Variants in TBC1D5 observed in about 807,000 individuals in gnomAD.
The protein encoded by TBC1D5 is TBC1 domain family, member 5.
A neutral mutation model predicts 100.3 loss-of-function variants in TBC1D5; 75 were observed. The ratio of observed to expected loss-of-function variants is 0.75; its 90% CI spans 0.62 to 0.91. The LOEUF (loss-of-function observed/expected upper bound fraction) is 0.91. Ranked by LOEUF, TBC1D5 falls within the 40% of genes least tolerant of loss-of-function variation. The probability of loss-of-function intolerance (pLI) is 0.00; values close to 1 mark genes in which losing one functional copy is unlikely to be tolerated. For synonymous variants in TBC1D5, 323 were observed against 325.6 expected (o/e 0.99, Z 0.09); for missense variants, 910 against 942.4 (o/e 0.97, Z 0.45).
chr3:17,509,948 T>G (rs1003481309), intron 2 of TBC1D5, among the ~76,000 whole-genome samples: 2 of 152,052 alleles, frequency 1.3e-5, no homozygotes, highest in South Asian at 2.1e-4. Flanking sequence ...CTACACTATT[T>G]GTAAATTTTA....
At chr3:17,390,011 T>C (rs1009418583) in intron 8 of TBC1D5, among the ~76,000 whole-genome samples, 4 of 152,140 alleles carry the variant, frequency 2.6e-5, no homozygotes, top group Non-Finnish European at 4.4e-5. Flanking sequence ...TTTTTAAAAA[T>C]CTTATTGATT....
chr3:17,223,362 C>A lies in TBC1D5; in HGVS notation c.1589-8992G>T, dbSNP rs974520232. ...AAAAAAGTCAGAAAATTAGAATACA[C>A]TTCAGCAATGTGATATTTGCAAAAT... On this transcript the variant is annotated intron_variant, in intron 17 of 21. Transcript: ENST00000253692. 3.3e-5 allele frequency among the ~76,000 whole-genome samples: 5 copies of A among 152,262 alleles called. No individual in the cohort carries two copies. The East Asian group carries it at 7.7e-4, about 23-fold the overall frequency.
At chr3:17,457,292 CTCTT>C (rs1287509440) in intron 3 of TBC1D5, among the ~76,000 whole-genome samples, 1 of 152,044 alleles carries the variant, frequency 6.6e-6, no homozygotes, top group Non-Finnish European at 1.5e-5. Flanking sequence ...CTACTCTTTT[CTCTT>C]TTTTTCCAAG....
intron 2 of TBC1D5, among the ~76,000 whole-genome samples, chr3:17,581,684 T>G (rs965512428): frequency 6.6e-6 from 1 of 152,210 alleles, no homozygotes; most frequent in South Asian, 2.1e-4. Flanking sequence ...ATGATCTCTC[T>G]GCTTCTGCCC....
At chr3:17,307,540 A>G (rs2083518859) in intron 14 of TBC1D5, among the ~76,000 whole-genome samples, 1 of 152,226 alleles carries the variant, frequency 6.6e-6, no homozygotes, top group Non-Finnish European at 1.5e-5. Context: ...ACTGGAAGAA[A>G]GTTAAAATAC....
chr3:17,623,993 T>C (rs1370480015), intron 1 of TBC1D5, 80 bp from the exon 2 acceptor site: 1 of 152,152 alleles, frequency 6.6e-6, no homozygotes. Flanking sequence ...CAAGAAAATA[T>C]TTTAATAAAC....
intron 3 of TBC1D5, among the ~76,000 whole-genome samples, chr3:17,497,165 CCTT>C (rs1320308320): frequency 1.3e-5 from 2 of 150,812 alleles, no homozygotes; most frequent in Non-Finnish European, 3.0e-5. Context: ...ATATCTGGCT[CCTT>C]CTTGTTTGTT....
chr3:17,438,151 A>G (rs2094570891), intron 3 of TBC1D5, among the ~76,000 whole-genome samples: 1 of 152,238 alleles, frequency 6.6e-6, no homozygotes, highest in African/African-American at 2.4e-5. Context: ...TTTTCGAGAA[A>G]GAGTTGCATT....
At chr3:17,590,808 G>A (rs189193480) in intron 2 of TBC1D5, among the ~76,000 whole-genome samples, 48 of 152,280 alleles carry the variant, frequency 3.2e-4, no homozygotes, top group Admixed American at 2.3e-3. Context: ...TCTGATTCAC[G>A]TAGAGCTTTG....
chr3:17,667,447 G>GA (rs1203526142), intron 1 of TBC1D5, among the ~76,000 whole-genome samples: 1 of 151,944 alleles, frequency 6.6e-6, no homozygotes, highest in African/African-American at 2.4e-5. Flanking sequence ...AATCCACTAA[G>GA]AAAAAATTTT....
intron 2 of TBC1D5, among the ~76,000 whole-genome samples, chr3:17,611,533 T>C (rs970111815): frequency 6.6e-6 from 1 of 152,162 alleles, no homozygotes; most frequent in Non-Finnish European, 1.5e-5. Flanking sequence ...AAAGTATACT[T>C]AGATGAAGGC....
At chr3:17,329,523 T>C (rs1336374966) in intron 13 of TBC1D5, among the ~76,000 whole-genome samples, 1 of 120,896 alleles carries the variant, frequency 8.3e-6, no homozygotes, top group African/African-American at 3.8e-5. Context: ...ACCCTTGATT[T>C]TATGGAGGAT....
intron 14 of TBC1D5, among the ~76,000 whole-genome samples, chr3:17,304,482 A>G (rs1388507116): frequency 1.3e-5 from 2 of 152,146 alleles, no homozygotes; most frequent in Non-Finnish European, 2.9e-5. Flanking sequence ...ATCACGGCTC[A>G]CTGCAGCCTT....
intron 3 of TBC1D5, among the ~76,000 whole-genome samples, chr3:17,434,802 A>T (rs1356866866): frequency 1.3e-5 from 2 of 152,068 alleles, no homozygotes; most frequent in South Asian, 4.1e-4. Flanking sequence ...TGGGCTTGTA[A>T]TTCTCCCCAG....
intron 1 of TBC1D5, among the ~76,000 whole-genome samples, chr3:17,661,145 A>C (rs2066604576): frequency 6.6e-6 from 1 of 152,188 alleles, no homozygotes; most frequent in Non-Finnish European, 1.5e-5. Flanking sequence ...ATTTTGAATA[A>C]TGTTGCATAC....
intron 18 of TBC1D5, among the ~76,000 whole-genome samples, chr3:17,186,950 G>A (rs753994091): frequency 6.6e-6 from 1 of 152,020 alleles, no homozygotes; most frequent in Non-Finnish European, 1.5e-5. Flanking sequence ...TTTTGGAGAG[G>A]TGGGGTTGTC....
chr3:17,591,238 A>AAAAAAC (rs2096767160), intron 2 of TBC1D5, among the ~76,000 whole-genome samples: 1 of 99,684 alleles, frequency 1.0e-5, no homozygotes, highest in Admixed American at 1.0e-4. Context: ...TCTGTCAAAA[A>AAAAAAC]AAAAAAAAAA....
intron 1 of TBC1D5, chr3:17,665,031 T>TAAAAAAAAAAAAAAAAAA (rs61069894): frequency 1.0e-5 from 1 of 97,088 alleles, no homozygotes. Flanking sequence ...CCCCGCTATT[T>TAAAAAAAAAAAAAAAAAA]AAAAAAAAAA....
At chr3:17,259,236 A>G (rs2078038441) in intron 15 of TBC1D5, among the ~76,000 whole-genome samples, 1 of 152,218 alleles carries the variant, frequency 6.6e-6, no homozygotes, top group South Asian at 2.1e-4. Context: ...AAAAGTAGCA[A>G]AAACACTGCC....
Sources: gnomAD v4.1 joint callset for allele counts (sites outside exome capture counted in the v4.1 genomes callset) on GRCh38, gnomAD v4.1.1 for gene constraint, MANE v1.5 for transcripts, NCBI Gene and HGNC (gene_info 2026-07-23, HGNC 2026-07-21) for gene names.